Variants in KCNS3 observed in about 807,000 individuals in gnomAD.
KCNS3 encodes the protein potassium voltage-gated channel modifier subfamily S member 3.
Under a neutral mutation model 31.0 loss-of-function variants are expected in KCNS3, and 13 were observed. The observed-to-expected ratio is 0.42, with a 90% CI of 0.27 to 0.67. The LOEUF is 0.67. Among genes scored for constraint, KCNS3 ranks in the 30% least tolerant of loss-of-function variants. The pLI, the probability that KCNS3 is intolerant of heterozygous loss-of-function variation, is 0.25. For synonymous variants in KCNS3, 238 were observed against 241.5 expected, an observed-to-expected ratio of 0.99 and a Z score of 0.13; for missense variants, 545 against 622.4, an observed-to-expected ratio of 0.88 and a Z score of 1.32.
At position 17,917,661 on chromosome 2, in the gene KCNS3, C is replaced by T. The variant is rs946139056; in HGVS notation, c.-251-19C>T. The T allele has an allele frequency of 1.3e-5, 2 of 152,636 alleles. No individual in the cohort carries two copies. The highest frequency in any genetic ancestry group is 2.9e-5 in the Non-Finnish European group (2 of 68,100). The allele number at this position is 152,636 out of a possible 1,614,324, so 9.5% of individuals were successfully genotyped here. A position where few individuals can be genotyped will look rare whatever the true frequency, so the allele number is the denominator to read the frequency against. ...TTTCTTCCTTGCAGTTACAGCTTGGCTGATGGTTTTTTCTGCAGGTGAGAG... is the reference window on the plus strand; with the variant it reads ...TTTCTTCCTTGCAGTTACAGCTTGGTTGATGGTTTTTTCTGCAGGTGAGAG... On this transcript the variant is annotated intron_variant, in intron 1 of 2. Coordinates refer to ENST00000304101, the MANE Select transcript of KCNS3 (RefSeq NM_002252.5).
At position 17,931,799 on chromosome 2, in the gene KCNS3, T is replaced by C; in HGVS notation, c.791T>C (p.Ile264Thr). The C allele has an allele frequency of 6.2e-7, 1 of 1,614,184 alleles. No homozygotes were observed. Among genetic ancestry groups the C allele is most frequent in the South Asian group, 1.1e-5 (1 of 91,082 alleles). ...AACATCATTGACTTTGTCTCTATTA[T>C]TCCCTTCTATGCCACGTTGGCTGTA... ...PLNIIDFVSI[I>T]PFYATLAVDT... Residue 264 changes from isoleucine (I) to threonine (T), a missense_variant, in exon 3 of 3, where the codon ATT becomes ACT. Transcript: ENST00000304101. The surrounding 1 kb of genome is among the most constrained non-coding windows in gnomAD (Gnocchi z 5.4).
chr2:17,895,929 T>A (rs1407353432), intron 1 of KCNS3, among the ~76,000 whole-genome samples: 1 of 152,176 alleles, frequency 6.6e-6, no homozygotes, highest in South Asian at 2.1e-4. Flanking sequence ...TATTGGTGGA[T>A]GCTGAGGCCA....
intron 1 of KCNS3, among the ~76,000 whole-genome samples, chr2:17,909,523 C>A (rs1662422285): frequency 6.6e-6 from 1 of 152,160 alleles, no homozygotes; most frequent in Admixed American, 6.6e-5. Context: ...GTTGGAAATG[C>A]AGAAATCACT....
chr2:17,890,790 G>C (rs187950514), intron 1 of KCNS3, among the ~76,000 whole-genome samples: 1 of 152,074 alleles, frequency 6.6e-6, no homozygotes, highest in African/African-American at 2.4e-5. Context: ...GTTTGAGAGA[G>C]TGCTTCACAT....
chr2:17,880,929 A>G (rs994792889), intron 1 of KCNS3, among the ~76,000 whole-genome samples: 1 of 152,266 alleles, frequency 6.6e-6, no homozygotes, highest in African/African-American at 2.4e-5. Flanking sequence ...GGCATTTGCC[A>G]TTGGAATGTG....
chr2:17,883,648 G>A (rs1003096485), intron 1 of KCNS3, among the ~76,000 whole-genome samples: 3 of 152,172 alleles, frequency 2.0e-5, no homozygotes, highest in African/African-American at 7.2e-5. Flanking sequence ...TCTAAGGCAG[G>A]AATGAGCATT....
intron 1 of KCNS3, among the ~76,000 whole-genome samples, chr2:17,904,741 G>C (rs1236730608): frequency 6.6e-6 from 1 of 152,148 alleles, no homozygotes; most frequent in Non-Finnish European, 1.5e-5. Flanking sequence ...TCTTCTTTTT[G>C]TCAGGTTTGT....
chr2:17,898,110 G>T (rs2125238291), intron 1 of KCNS3, among the ~76,000 whole-genome samples: 1 of 152,156 alleles, frequency 6.6e-6, no homozygotes, highest in African/African-American at 2.4e-5. Context: ...AGATGGTTGT[G>T]GGTATGTGGC....
chr2:17,915,841 T>G (rs996453950), intron 1 of KCNS3, among the ~76,000 whole-genome samples: 1 of 152,172 alleles, frequency 6.6e-6, no homozygotes, highest in Admixed American at 6.5e-5. Flanking sequence ...AATCCAGTTT[T>G]TTTGGATAGG....
chr2:17,900,034 C>T (rs148289145), intron 1 of KCNS3, among the ~76,000 whole-genome samples: 267 of 152,244 alleles, frequency 1.8e-3, no homozygotes, highest in African/African-American at 6.1e-3. Context: ...GGAGAGCGGG[C>T]GTGGTCTCTG....
At chr2:17,908,684 G>A (rs978891556) in intron 1 of KCNS3, among the ~76,000 whole-genome samples, 4 of 152,220 alleles carry the variant, frequency 2.6e-5, no homozygotes, top group Non-Finnish European at 5.9e-5. Flanking sequence ...TAGCAGTCAG[G>A]ACCCTCAGCT....
chr2:17,904,230 T>C (rs962142122), intron 1 of KCNS3, among the ~76,000 whole-genome samples: 68 of 152,384 alleles, frequency 4.5e-4, no homozygotes, highest in Non-Finnish European at 7.1e-4. Flanking sequence ...CATTTTTTCA[T>C]GTGTCTTTTG....
chr2:17,922,271 A>T (rs751435372), intron 2 of KCNS3, among the ~76,000 whole-genome samples: 1 of 151,946 alleles, frequency 6.6e-6, no homozygotes. Flanking sequence ...GCCATTGATT[A>T]TCATTGCCTA....
intron 1 of KCNS3, among the ~76,000 whole-genome samples, chr2:17,890,885 G>A (rs1388738020): frequency 6.6e-6 from 1 of 152,114 alleles, no homozygotes; most frequent in Non-Finnish European, 1.5e-5. Flanking sequence ...GCATTGAATA[G>A]AACGTGTATT....
At chr2:17,881,164 G>C (rs945595835) in intron 1 of KCNS3, among the ~76,000 whole-genome samples, 1 of 152,162 alleles carries the variant, frequency 6.6e-6, no homozygotes, top group Non-Finnish European at 1.5e-5. Context: ...AACCCCCCAG[G>C]TGCATGTTGA....
chr2:17,884,279 A>ATATATATATATATG (rs1218159082), intron 1 of KCNS3, among the ~76,000 whole-genome samples: 2 of 116,130 alleles, frequency 1.7e-5, no homozygotes, highest in African/African-American at 6.1e-5. Context: ...ATATATATAT[A>ATATATATATATATG]TATATATATA....
At chr2:17,909,112 C>A (rs373165416) in intron 1 of KCNS3, among the ~76,000 whole-genome samples, 2 of 152,230 alleles carry the variant, frequency 1.3e-5, no homozygotes, top group African/African-American at 4.8e-5. Context: ...CCACCCAGTT[C>A]GAGCTTCTGG....
chr2:17,903,107 T>C (rs1662226417), intron 1 of KCNS3, among the ~76,000 whole-genome samples: 1 of 152,188 alleles, frequency 6.6e-6, no homozygotes, highest in South Asian at 2.1e-4. Context: ...TCCCAGTTAA[T>C]GCAGTGGGCA....
intron 1 of KCNS3, among the ~76,000 whole-genome samples, chr2:17,881,898 G>T (rs1300627541): frequency 1.3e-5 from 2 of 152,186 alleles, no homozygotes; most frequent in Non-Finnish European, 2.9e-5. Flanking sequence ...TGACAAAATG[G>T]TCTGCTTTTC....
Sources: gnomAD v4.1 joint callset for allele counts (sites outside exome capture counted in the v4.1 genomes callset) on GRCh38, gnomAD v4.1.1 for gene constraint, Gnocchi (gnomAD v3.1) non-coding constraint, MANE v1.5 for transcripts, NCBI Gene and HGNC (gene_info 2026-07-23, HGNC 2026-07-21) for gene names.